Variants in SPATA9 observed in about 807,000 individuals in gnomAD.
SPATA9 encodes spermatogenesis-associated protein 9.
Under a neutral mutation model 25.5 loss-of-function variants are expected in SPATA9, and 27 were observed. The observed-to-expected ratio is 1.06, with a 90% CI of 0.78 to 1.46. The LOEUF is 1.46. Ranked by LOEUF, SPATA9 falls within the 40% of genes most tolerant of loss-of-function variation. The pLI is 0.00. For missense variants in SPATA9, 282 were observed against 297.5 expected (o/e 0.95, Z 0.38); for synonymous variants, 102 against 105.7 (o/e 0.97, Z 0.21).
At chr5:95,671,778 T>C (rs1752402590) in intron 3 of SPATA9, among the ~76,000 whole-genome samples, 1 of 152,078 alleles carries the variant, frequency 6.6e-6, no homozygotes, top group Non-Finnish European at 1.5e-5. Context: ...TCTTAAAACT[T>C]GGAAGATATT....
chr5:95,727,400 T>C, the SPATA9 span, among the ~76,000 whole-genome samples: 1 of 152,232 alleles, frequency 6.6e-6, no homozygotes, highest in Non-Finnish European at 1.5e-5. Context: ...AACTGGTATA[T>C]GAATATTCAC....
chr5:95,652,798 A>G (rs139216284), downstream of SPATA9: 319 of 325,454 alleles, frequency 9.8e-4, 4 homozygotes, highest in East Asian at 0.019. Context: ...TTTATCCCCT[A>G]CAGCATCAAC....
At chr5:95,661,871 T>C (rs1171680554) in intron 4 of SPATA9, among the ~76,000 whole-genome samples, 1 of 151,906 alleles carries the variant, frequency 6.6e-6, no homozygotes, top group East Asian at 1.9e-4. Context: ...TGGCTCTTAA[T>C]TGGGACTTCT....
intron 2 of SPATA9, among the ~76,000 whole-genome samples, chr5:95,678,784 C>T (rs746185337): frequency 5.3e-5 from 8 of 152,122 alleles, no homozygotes; most frequent in African/African-American, 1.7e-4. Context: ...TGCTTAACAA[C>T]GGAGTATTAG....
rs751433579 is a variant in SPATA9 at position 95,675,452 on chromosome 5, C to T, written c.338G>A (p.Arg113Lys). 1.9e-6 allele frequency: 3 copies of T among 1,614,176 alleles called. No homozygotes were observed. Among genetic ancestry groups the T allele is most frequent in the South Asian group, 2.2e-5 (2 of 91,082 alleles). Reference sequence around the variant, plus strand: ...GGGTTGCCTCGGCGCATTAACTTCCCTCAGCAGACGACCAGATATGTCCCT... The same window carrying T: ...GGGTTGCCTCGGCGCATTAACTTCCTTCAGCAGACGACCAGATATGTCCCT... ...ELRDISGRLL[R>K]EVNAPRQPLY... is the part of the protein sequence containing the mutation. The change falls in exon 3 of 5, where the codon AGG becomes AAG. Residue 113 changes from arginine (R) to lysine (K), a missense_variant. Coordinates refer to ENST00000274432, the MANE Select transcript of SPATA9 (RefSeq NM_031952.4).
chr5:95,729,770 T>C, the SPATA9 span, among the ~76,000 whole-genome samples: 7 of 152,236 alleles, frequency 4.6e-5, no homozygotes, highest in African/African-American at 1.7e-4. Context: ...GGAATCACTT[T>C]TTGTGATTTG....
chr5:95,718,744 A>G, the SPATA9 span, among the ~76,000 whole-genome samples: 1 of 152,234 alleles, frequency 6.6e-6, no homozygotes, highest in Admixed American at 6.5e-5. Context: ...ACTGAAAAGC[A>G]ATAGAATGGG....
At chr5:95,662,790 G>A (rs1180314370) in intron 4 of SPATA9, among the ~76,000 whole-genome samples, 1 of 152,198 alleles carries the variant, frequency 6.6e-6, no homozygotes, top group African/African-American at 2.4e-5. Context: ...ACTAATATAT[G>A]CAGAGGTACT....
chr5:95,690,502 T>C (rs1333181600), intron 1 of SPATA9, among the ~76,000 whole-genome samples: 11 of 152,170 alleles, frequency 7.2e-5, no homozygotes, highest in Non-Finnish European at 1.6e-4. Flanking sequence ...GGAGTCCTTT[T>C]AAAAGGAAAC....
upstream of SPATA9, among the ~76,000 whole-genome samples, chr5:95,685,354 T>G (rs1247936850): frequency 6.6e-6 from 1 of 152,168 alleles, no homozygotes; most frequent in South Asian, 2.1e-4. Flanking sequence ...TCAAACCTAC[T>G]TCAAATTCAA....
intron 4 of SPATA9, among the ~76,000 whole-genome samples, chr5:95,660,996 G>A (rs1434214119): frequency 4.6e-5 from 7 of 152,034 alleles, no homozygotes; most frequent in East Asian, 1.9e-4. Context: ...CTGTTTCCAC[G>A]TTATTACCTT....
chr5:95,701,246 C>T (rs1754174107), upstream of SPATA9: 1 of 151,234 alleles, frequency 6.6e-6, no homozygotes, highest in Admixed American at 6.6e-5. Flanking sequence ...CAGTCTCTTA[C>T]CTTATCAGGA....
chr5:95,731,471 C>G, the SPATA9 span: 4 of 1,221,782 alleles, frequency 3.3e-6, no homozygotes, highest in Non-Finnish European at 4.1e-6. Flanking sequence ...GCAGCTTATC[C>G]CCCGCCCGCT....
chr5:95,670,789 A>G (rs889945209), intron 3 of SPATA9: 14 of 948,710 alleles, frequency 1.5e-5, no homozygotes, highest in African/African-American at 1.1e-4. Flanking sequence ...TTACAGACCA[A>G]TCCATTGACC....
the SPATA9 span, chr5:95,731,781 C>A: frequency 6.2e-7 from 1 of 1,603,644 alleles, no homozygotes; most frequent in Admixed American, 1.7e-5. Context: ...CGCGCTGTCC[C>A]CCGCACTTCC....
the SPATA9 span, among the ~76,000 whole-genome samples, chr5:95,729,600 G>A: frequency 6.6e-6 from 1 of 152,064 alleles, no homozygotes; most frequent in African/African-American, 2.4e-5. Flanking sequence ...AACTATATAT[G>A]CACCTCATGC....
At chr5:95,692,941 T>C (rs1753926642) in intron 1 of SPATA9, among the ~76,000 whole-genome samples, 1 of 152,224 alleles carries the variant, frequency 6.6e-6, no homozygotes, top group Non-Finnish European at 1.5e-5. Flanking sequence ...ATACATTGAA[T>C]TTATTGACTG....
At chr5:95,664,410 CAATT>C (rs1463682524) in intron 3 of SPATA9, among the ~76,000 whole-genome samples, 5 of 152,294 alleles carry the variant, frequency 3.3e-5, no homozygotes, top group South Asian at 2.1e-4. Context: ...TTCACAACCT[CAATT>C]AAGTAAACAG....
the SPATA9 span, among the ~76,000 whole-genome samples, chr5:95,703,726 C>T: frequency 1.9e-3 from 295 of 152,008 alleles, no homozygotes; most frequent in African/African-American, 6.9e-3. Context: ...ATGTACATAT[C>T]AAGTGATTAT....
Sources: allele counts gnomAD v4.1 joint callset (sites outside exome capture counted in the v4.1 genomes callset), GRCh38; gene constraint gnomAD v4.1.1; transcripts MANE v1.5; gene names NCBI Gene and HGNC (gene_info 2026-07-23, HGNC 2026-07-21).